WASHC5: variants seen among roughly 807,000 people sequenced by gnomAD.
WASHC5 encodes the protein WASH complex subunit 5.
WASHC5 carries 101 observed loss-of-function variants against 150.4 expected under a neutral mutation model. That is an observed-to-expected ratio of 0.67 (90% CI 0.57 to 0.79). The LOEUF (loss-of-function observed/expected upper bound fraction) is 0.79. WASHC5 is among the 30% of genes least tolerant of loss of function. WASHC5 has a pLI of 0.00. For synonymous variants in WASHC5, 467 were observed against 491.2 expected, an observed-to-expected ratio of 0.95 and a Z score of 0.65; for missense variants, 1,195 against 1,396.3, an observed-to-expected ratio of 0.86 and a Z score of 2.30.
intron 7 of WASHC5, among the ~76,000 whole-genome samples, chr8:125,075,893 A>G (rs1047858382): frequency 9.2e-5 from 14 of 152,198 alleles, no homozygotes; most frequent in Non-Finnish European, 1.5e-4. Context: ...TTACAAAGGT[A>G]CAAGCATATC....
intron 12 of WASHC5, among the ~76,000 whole-genome samples, chr8:125,060,418 G>A (rs182051397): frequency 0.025 from 3,836 of 151,562 alleles, 172 homozygotes; most frequent in African/African-American, 0.088. Context: ...CCCAGGAGGC[G>A]GAGGTTGCAG....
In WASHC5 at chr8:125,053,103, C is replaced by CTTT. The variant is rs10616158; in HGVS notation, c.2098-2441_2098-2439dup. Among the ~76,000 whole-genome samples the CTTT allele has an allele frequency of 5.9e-5, 8 of 136,422 alleles. No individual in the cohort carries two copies. In the South Asian group the frequency reaches 1.6e-3, roughly 28 times the overall value. 89.5% of individuals were successfully genotyped at this position (136,422 alleles called of 152,430 possible). A position where few individuals can be genotyped will look rare whatever the true frequency, so the allele number is the denominator to read the frequency against. On this transcript the variant is annotated intron_variant, in intron 17 of 28. Coordinates refer to ENST00000318410, the MANE Select transcript of WASHC5 (RefSeq NM_014846.4). Reference sequence around the variant, plus strand: ...TTTAAGTTTGAGACGACCTGTATTTCTTTTTTTTTTTTTTTGCTGCCTCTA... The same window carrying CTTT: ...TTTAAGTTTGAGACGACCTGTATTTCTTTTTTTTTTTTTTTTTTGCTGCCTCTA...
intron 6 of WASHC5, among the ~76,000 whole-genome samples, chr8:125,078,005 T>C (rs1817115524): frequency 2.0e-5 from 3 of 152,198 alleles, no homozygotes; most frequent in Admixed American, 2.0e-4. Flanking sequence ...ATCAGGTTCA[T>C]TCTGTGATAA....
rs868134220 is a variant in WASHC5 at position 125,056,811 on chromosome 8, G to A, written c.1882C>T (p.Gln628Ter). 6.2e-7 allele frequency: 1 copy of A among 1,614,102 alleles called. No homozygotes were observed. The highest frequency in any genetic ancestry group is 8.5e-7 in the Non-Finnish European group (1 of 1,179,990). Reference protein sequence around the residue: ...ELVSYVRKVLQIIPESMFTSL... With the variant: ...ELVSYVRKVL ...GTAAACATGCTTTCTGGGATGATCT[G>A]CAAAACCTTCAGTGAAAAGGAAAGC... Residue 628 changes from glutamine to a stop codon, truncating the protein, a stop_gained, in exon 16 of 29, where the codon CAG becomes TAG. Coordinates refer to ENST00000318410, the MANE Select transcript of WASHC5 (RefSeq NM_014846.4). LOFTEE classifies it high-confidence loss of function.
At chr8:125,072,217 A>G (rs957182419) in intron 9 of WASHC5, among the ~76,000 whole-genome samples, 4 of 151,198 alleles carry the variant, frequency 2.6e-5, no homozygotes, top group African/African-American at 9.7e-5. Context: ...GATGGCACAC[A>G]CCTGTAGTCC....
intron 17 of WASHC5, among the ~76,000 whole-genome samples, chr8:125,053,600 T>A (rs994586367): frequency 1.3e-5 from 2 of 152,138 alleles, no homozygotes; most frequent in African/African-American, 4.8e-5. Flanking sequence ...CAAATTCTAT[T>A]AATATTCTAG....
intron 23 of WASHC5, 84 bp downstream of exon 23, chr8:125,043,741 C>CTTTTT (rs2130017672): frequency 1.1e-6 from 1 of 930,056 alleles, no homozygotes; most frequent in South Asian, 1.4e-5. Context: ...AGAAGAGTAG[C>CTTTTT]TTTTTTTGGG....
chr8:125,054,819 C>CA (rs111810991), intron 17 of WASHC5, among the ~76,000 whole-genome samples: 19,510 of 130,856 alleles, frequency 0.15, 3,292 homozygotes, highest in African/African-American at 0.42. Context: ...ACCCTTGTCT[C>CA]AAAAAAAAAA....
Position 125,070,293 on chromosome 8 carries a change from T to C in WASHC5, c.1151-2574A>G, listed in dbSNP as rs536153097. On this transcript the variant is annotated intron_variant, in intron 9 of 28. Coordinates refer to ENST00000318410, the MANE Select transcript of WASHC5 (RefSeq NM_014846.4). ...GTTAACTAAGCAGTTGCTTTTCCCATGTGTGACTCACAATCAGATAGGTCA... is the reference window on the plus strand; with the variant it reads ...GTTAACTAAGCAGTTGCTTTTCCCACGTGTGACTCACAATCAGATAGGTCA... Among the ~76,000 whole-genome samples the C allele has an allele frequency of 1.1e-4, 17 of 152,394 alleles. No individual in the cohort carries two copies. In the South Asian group the frequency reaches 2.1e-3, roughly 19 times the overall value.
chr8:125,044,573 T>C lies in WASHC5; in HGVS notation c.2630A>G (p.Asp877Gly), dbSNP rs1815999561. The part of the protein sequence containing the change: ...TLGTFGLNGL[D>G]RLLCFMIVKE... Reference sequence around the variant, plus strand: ...TACAATCATAAAGCACAGAAGCCTGTCTAAGCCATTTAGACCAAAGGTTCC... The same window carrying C: ...TACAATCATAAAGCACAGAAGCCTGCCTAAGCCATTTAGACCAAAGGTTCC... The change falls in exon 21 of 29, where the codon GAC becomes GGC. Residue 877 changes from aspartate to glycine, a missense_variant. By Grantham distance (94) the Asp-to-Gly change is moderately conservative. This residue lies in a region of WASHC5 where 997 missense variants were observed against 1,168.1 expected (regional missense o/e 0.85). Transcript: ENST00000318410. 1 of 1,614,160 alleles carries C rather than the reference T, an allele frequency of 6.2e-7. No individual in the cohort carries two copies. Among genetic ancestry groups the C allele is most frequent in the African/African-American group, 1.3e-5 (1 of 75,062 alleles).
chr8:125,034,267 A>C (rs560021817), intron 26 of WASHC5, among the ~76,000 whole-genome samples: 2 of 152,278 alleles, frequency 1.3e-5, no homozygotes, highest in African/African-American at 4.8e-5. Context: ...TGGGAGGCCA[A>C]GGTGGGTGGA....
At chr8:125,065,047 G>C (rs1229311977) in intron 10 of WASHC5, among the ~76,000 whole-genome samples, 2 of 152,162 alleles carry the variant, frequency 1.3e-5, no homozygotes, top group Admixed American at 1.3e-4. Context: ...GAGACTACAT[G>C]GCGTCAAGCC....
intron 10 of WASHC5, among the ~76,000 whole-genome samples, chr8:125,064,740 C>T (rs950751499): frequency 2.0e-5 from 3 of 151,968 alleles, no homozygotes; most frequent in Non-Finnish European, 2.9e-5. Context: ...TCTGATTTCT[C>T]GCTTAAGAAA....
chr8:125,073,161 G>A lies in WASHC5; in HGVS notation c.1142C>T (p.Ala381Val), dbSNP rs1466358179. Residue 381 changes from alanine to valine, a missense_variant, in exon 9 of 29, where the codon GCA becomes GTA. This residue lies in a region of WASHC5 where 997 missense variants were observed against 1,168.1 expected (regional missense o/e 0.85). Transcript: ENST00000318410. ...VAIRWLMLHT[A>V]DSACDPNNKR... is the part of the protein sequence containing the mutation. ...CCCCTTTTGTGCATTACCTGAGTCT[G>A]CTGTATGAAGCATCAGCCATCGGAT... 1 of 1,614,094 alleles carries A rather than the reference G, an allele frequency of 6.2e-7. No homozygotes were observed. Among genetic ancestry groups the A allele is most frequent in the Non-Finnish European group, 8.5e-7 (1 of 1,179,966 alleles).
At chr8:125,050,017 TA>T (rs539970673) in intron 18 of WASHC5, among the ~76,000 whole-genome samples, 1,758 of 147,168 alleles carry the variant, frequency 0.012, 17 homozygotes, top group Non-Finnish European at 0.02. Flanking sequence ...TATAAAGAAA[TA>T]AAAAAAAAGA....
chr8:125,082,844 C>G (rs1817308566), intron 3 of WASHC5: 1 of 381,532 alleles, frequency 2.6e-6, no homozygotes, highest in Admixed American at 4.3e-5. Flanking sequence ...ATATAATACA[C>G]TAGGATATGA....
At chr8:125,033,561 T>C (rs1815606023) in intron 26 of WASHC5, among the ~76,000 whole-genome samples, 1 of 151,962 alleles carries the variant, frequency 6.6e-6, no homozygotes, top group Non-Finnish European at 1.5e-5. Context: ...TTCTTTTTTT[T>C]TTTTTTGAGA....
chr8:125,052,149 T>C (rs1041780861), intron 17 of WASHC5, among the ~76,000 whole-genome samples: 1 of 152,214 alleles, frequency 6.6e-6, no homozygotes, highest in African/African-American at 2.4e-5. Context: ...CTGTGCTTTA[T>C]TATACAATAA....
intron 6 of WASHC5, among the ~76,000 whole-genome samples, chr8:125,077,223 C>T (rs1462210442): frequency 6.6e-6 from 1 of 152,206 alleles, no homozygotes; most frequent in African/African-American, 2.4e-5. Context: ...CACATGAAAC[C>T]TGCAGGCAGG....
Sources: gnomAD v4.1 joint callset for allele counts (sites outside exome capture counted in the v4.1 genomes callset) on GRCh38, gnomAD v4.1.1 for gene constraint, gnomAD v4.1.1 regional missense constraint, MANE v1.5 for transcripts, NCBI Gene and HGNC (gene_info 2026-07-23, HGNC 2026-07-21) for gene names.